CHST8: variants seen among roughly 807,000 people sequenced by gnomAD.
CHST8 encodes the protein carbohydrate sulfotransferase 8, also known as GALNAC-4-ST1.
In CHST8, 10 loss-of-function variants were observed where a neutral mutation model predicts 15.0. The ratio of observed to expected loss-of-function variants is 0.67; its 90% CI spans 0.41 to 1.13. The LOEUF is 1.13. Ranked by LOEUF, CHST8 falls within the 50% of genes most tolerant of loss-of-function variation. The pLI is 0.00. For missense variants in CHST8, 634 were observed against 608.2 expected (o/e 1.04, Z -0.45); for synonymous variants, 259 against 256.6 (o/e 1.01, Z -0.09).
chr19:33,726,784 A>T (rs2145318914), intron 3 of CHST8, among the ~76,000 whole-genome samples: 1 of 151,822 alleles, frequency 6.6e-6, no homozygotes, highest in Admixed American at 6.6e-5. Flanking sequence ...GCAAGGGGCT[A>T]GGAGACGTGG....
intron 3 of CHST8, among the ~76,000 whole-genome samples, chr19:33,742,051 A>G (rs1035229787): frequency 5.3e-5 from 8 of 152,068 alleles, no homozygotes; most frequent in African/African-American, 1.9e-4. Flanking sequence ...CTAAGACCCC[A>G]GATGTAAATG....
At chr19:33,728,701 G>A (rs1233145272) in intron 3 of CHST8, among the ~76,000 whole-genome samples, 1 of 152,208 alleles carries the variant, frequency 6.6e-6, no homozygotes, top group South Asian at 2.1e-4. Context: ...CATGCTCAGA[G>A]TACAGGTGCT....
At chr19:33,763,455 A>C (rs1413152879) in intron 3 of CHST8, among the ~76,000 whole-genome samples, 1 of 152,192 alleles carries the variant, frequency 6.6e-6, no homozygotes, top group African/African-American at 2.4e-5. Context: ...CAGAGCTGTC[A>C]TCAGGGCCCA....
chr19:33,643,053 C>A (rs1034615100), intron 1 of CHST8, among the ~76,000 whole-genome samples: 5 of 152,158 alleles, frequency 3.3e-5, no homozygotes, highest in Non-Finnish European at 4.4e-5. Context: ...AGCATGTTGA[C>A]ATGAACCTTC....
intron 2 of CHST8, among the ~76,000 whole-genome samples, chr19:33,683,679 G>A (rs1425093167): frequency 6.6e-6 from 1 of 152,186 alleles, no homozygotes; most frequent in Non-Finnish European, 1.5e-5. Flanking sequence ...CTCATTCAAC[G>A]TGCAGCAGAG....
chr19:33,750,510 TC>T (rs1353199538), intron 3 of CHST8, among the ~76,000 whole-genome samples: 2 of 151,346 alleles, frequency 1.3e-5, no homozygotes, highest in Non-Finnish European at 2.9e-5. Flanking sequence ...CGCCCCTGTA[TC>T]CCCCACCCCT....
rs142356770 is a variant in CHST8, at chr19:33,651,382, C to T, written c.-163-16385C>T. ...GAGATCTTTTAAACTTAAAAAAAAG[C>T]GTCCTATATTACTAGTGTTTATAAA... On this transcript the variant is annotated intron_variant, in intron 1 of 4. Coordinates refer to ENST00000650847, the MANE Select transcript of CHST8 (RefSeq NM_001127895.2). Among the ~76,000 whole-genome samples, 348 of 150,262 alleles carry T rather than the reference C, an allele frequency of 2.3e-3. 4 individuals carry two copies. Among genetic ancestry groups the T allele is most frequent in the African/African-American group, 8.1e-3 (329 of 40,514 alleles).
rs896120138 is a variant in CHST8 at position 33,662,193 on chromosome 19, G to A, written c.-163-5574G>A. Among the ~76,000 whole-genome samples the A allele has an allele frequency of 3.3e-5, 5 of 152,036 alleles. No individual in the cohort carries two copies. In the South Asian group the frequency reaches 6.2e-4, roughly 19 times the overall value. On this transcript the variant is annotated intron_variant, in intron 1 of 4. Coordinates refer to ENST00000650847, the MANE Select transcript of CHST8 (RefSeq NM_001127895.2). ...CTTCCTGGGCTCAAGCAGTTCTCTCGCATCAGCCCCCAGTAGCTGGGACTA... is the reference window on the plus strand; with the variant it reads ...CTTCCTGGGCTCAAGCAGTTCTCTCACATCAGCCCCCAGTAGCTGGGACTA...
At chr19:33,689,141 G>A (rs1406852842) in intron 2 of CHST8, 35 bp from the exon 3 acceptor site, 13 of 1,266,782 alleles carry the variant, frequency 1.0e-5, no homozygotes, top group South Asian at 3.6e-5. Flanking sequence ...GGTGCCTCGC[G>A]CCTCGGTGAT....
At chr19:33,635,603 G>C (rs1165673715) in intron 1 of CHST8, among the ~76,000 whole-genome samples, 1 of 152,140 alleles carries the variant, frequency 6.6e-6, no homozygotes, top group Non-Finnish European at 1.5e-5. Context: ...AGGCCTCAAA[G>C]ATGGGTGGGG....
chr19:33,706,392 T>TACA (rs1353835078), intron 3 of CHST8, among the ~76,000 whole-genome samples: 1 of 152,212 alleles, frequency 6.6e-6, no homozygotes, highest in Admixed American at 6.5e-5. Context: ...CCTAGCTGTG[T>TACA]ACAAGTATGT....
intron 3 of CHST8, among the ~76,000 whole-genome samples, chr19:33,732,375 G>GGACA (rs1367931361): frequency 1.3e-5 from 2 of 151,978 alleles, no homozygotes; most frequent in East Asian, 3.9e-4. Context: ...CACAAGTAAA[G>GGACA]GACAGAGCCC....
In CHST8 at chr19:33,772,039, C is replaced by T. The variant is rs1328572462; in HGVS notation, c.251C>T (p.Pro84Leu). ...ACTCGGGACTTATCCAGTGGGGCCC[C>T]GAGGGGCCGCAACCTGCCAGCGCCT... ...RVTRDLSSGA[P>L]RGRNLPAPDQ... The change falls in exon 5 of 5, where the codon CCG (proline) becomes CTG (leucine). Residue 84 changes from proline to leucine, a missense_variant. By Grantham distance (98) the Pro-to-Leu change is moderately conservative. Coordinates refer to ENST00000650847, the MANE Select transcript of CHST8 (RefSeq NM_001127895.2). 5 of 1,612,108 alleles carry T rather than the reference C, an allele frequency of 3.1e-6. No individual in the cohort carries two copies. Among genetic ancestry groups the T allele is most frequent in the Non-Finnish European group, 1.7e-6 (2 of 1,179,658 alleles).
intron 3 of CHST8, among the ~76,000 whole-genome samples, chr19:33,705,137 T>C (rs1265377220): frequency 1.3e-5 from 2 of 152,048 alleles, no homozygotes; most frequent in African/African-American, 4.8e-5. Flanking sequence ...ATGCCTGCTC[T>C]CCCTATACCC....
intron 3 of CHST8, among the ~76,000 whole-genome samples, chr19:33,713,996 G>A (rs1436966289): frequency 6.6e-6 from 1 of 152,142 alleles, no homozygotes; most frequent in Non-Finnish European, 1.5e-5. Context: ...AGGGGCAGGC[G>A]TTGCTTAGAA....
chr19:33,655,766 G>GT (rs201406670), intron 1 of CHST8, among the ~76,000 whole-genome samples: 6 of 151,352 alleles, frequency 4.0e-5, no homozygotes, highest in Non-Finnish European at 8.9e-5. Flanking sequence ...TATTAATGTT[G>GT]TTTTTTTTCT....
intron 3 of CHST8, 40 bp from the exon 4 acceptor site, chr19:33,771,373 A>G: frequency 6.2e-7 from 1 of 1,608,614 alleles, no homozygotes; most frequent in Non-Finnish European, 8.5e-7. Flanking sequence ...GCCATGTGGC[A>G]GATCCGCTAA....
At chr19:33,629,548 C>A (rs1215418909) in intron 1 of CHST8, among the ~76,000 whole-genome samples, 2 of 152,242 alleles carry the variant, frequency 1.3e-5, no homozygotes, top group African/African-American at 2.4e-5. Context: ...CTGCAGACAT[C>A]GGCCCTATCT....
intron 3 of CHST8, among the ~76,000 whole-genome samples, chr19:33,767,344 A>C (rs1281788904): frequency 1.3e-5 from 2 of 152,174 alleles, no homozygotes; most frequent in East Asian, 3.9e-4. Flanking sequence ...CCTAGAGAGG[A>C]GCGGGCAAGA....
Sources: gnomAD v4.1 joint callset for allele counts (sites outside exome capture counted in the v4.1 genomes callset) on GRCh38, gnomAD v4.1.1 for gene constraint, MANE v1.5 for transcripts, NCBI Gene and HGNC (gene_info 2026-07-23, HGNC 2026-07-21) for gene names.